POU3F3: variants seen among roughly 807,000 people sequenced by gnomAD.
POU3F3 encodes the protein POU class 3 homeobox 3, also known as POU domain, class 3, transcription factor 3.
A neutral mutation model predicts 8.6 loss-of-function variants in POU3F3; 1 was observed. That is an observed-to-expected ratio of 0.12 (90% CI 0.04 to 0.55). The LOEUF is 0.55. Ranked by LOEUF, POU3F3 falls within the 20% of genes least tolerant of loss-of-function variation. The pLI is 0.91. For missense variants in POU3F3, 577 were observed against 690.7 expected, an observed-to-expected ratio of 0.84 and a Z score of 1.84; for synonymous variants, 418 against 327.4, an observed-to-expected ratio of 1.28 and a Z score of -2.99.
chr2:104,869,177 A>T, the POU3F3 span, among the ~76,000 whole-genome samples: 1 of 152,208 alleles, frequency 6.6e-6, no homozygotes, highest in Non-Finnish European at 1.5e-5. Context: ...GACCTTGATG[A>T]AATTAGGTGG....
the POU3F3 span, among the ~76,000 whole-genome samples, chr2:104,927,102 T>C: frequency 6.6e-6 from 1 of 152,144 alleles, no homozygotes; most frequent in East Asian, 1.9e-4. Context: ...TTAAAATATA[T>C]GTATATGTAT....
At chr2:104,861,467 G>T (rs768247462), downstream of POU3F3, among the ~76,000 whole-genome samples, 8 of 152,220 alleles carry the variant, frequency 5.3e-5, no homozygotes, top group Admixed American at 3.3e-4. Flanking sequence ...AAGGATTAGA[G>T]CAGATGCTAT....
At chr2:104,902,059 T>C in the POU3F3 span, among the ~76,000 whole-genome samples, 1 of 152,102 alleles carries the variant, frequency 6.6e-6, no homozygotes, top group East Asian at 1.9e-4. Context: ...TCAGGAATGA[T>C]GGGCGAGGCT....
the POU3F3 span, among the ~76,000 whole-genome samples, chr2:104,874,641 G>A: frequency 1.3e-5 from 2 of 152,132 alleles, no homozygotes; most frequent in African/African-American, 4.8e-5. Flanking sequence ...TAGCTGGGCA[G>A]GTGGCTGATT....
At chr2:104,879,674 T>C in the POU3F3 span, among the ~76,000 whole-genome samples, 1 of 152,096 alleles carries the variant, frequency 6.6e-6, no homozygotes, top group Non-Finnish European at 1.5e-5. Flanking sequence ...CACCCCTCCT[T>C]CCTTGCTGTG....
the POU3F3 span, among the ~76,000 whole-genome samples, chr2:104,905,202 C>G: frequency 6.6e-6 from 1 of 152,182 alleles, no homozygotes; most frequent in African/African-American, 2.4e-5. Flanking sequence ...TTGGATTCCA[C>G]TCATAGCATC....
At chr2:104,897,297 C>T in the POU3F3 span, among the ~76,000 whole-genome samples, 2 of 152,172 alleles carry the variant, frequency 1.3e-5, no homozygotes, top group African/African-American at 4.8e-5. Context: ...GTCTTTATTC[C>T]TACAGAAGCT....
Position 104,854,785 on chromosome 2 carries a change from C to T in POU3F3, c.-726C>T, listed in dbSNP as rs190793769. Among the ~76,000 whole-genome samples the T allele has an allele frequency of 9.8e-4, 149 of 152,232 alleles. No individual in the cohort carries two copies. The highest frequency in any genetic ancestry group is 1.8e-3 in the Non-Finnish European group (124 of 68,024). Reference sequence around the variant, plus strand: ...TCGCGAGCAGCCAGCAGCACCACGCCTTCAAGGACGAAAAAGTTTTACTAC... The same window carrying T: ...TCGCGAGCAGCCAGCAGCACCACGCTTTCAAGGACGAAAAAGTTTTACTAC... On this transcript the variant is annotated 5_prime_UTR_variant, in exon 1 of 1. Coordinates refer to ENST00000361360, the MANE Select transcript of POU3F3 (RefSeq NM_006236.3). The surrounding 1 kb of genome is among the most constrained non-coding windows in gnomAD (Gnocchi z 4.5).
At chr2:104,914,341 TC>T in the POU3F3 span, among the ~76,000 whole-genome samples, 2 of 152,232 alleles carry the variant, frequency 1.3e-5, no homozygotes, top group Admixed American at 1.3e-4. Flanking sequence ...CTTACATTTA[TC>T]AGGAAAACAT....
chr2:104,865,075 G>A, the POU3F3 span, among the ~76,000 whole-genome samples: 1 of 152,198 alleles, frequency 6.6e-6, no homozygotes, highest in Non-Finnish European at 1.5e-5. Context: ...TGTCCCCACC[G>A]GCCTGCCTCC....
downstream of POU3F3, among the ~76,000 whole-genome samples, chr2:104,859,229 G>A (rs1212263450): frequency 6.6e-5 from 10 of 151,992 alleles, no homozygotes; most frequent in Non-Finnish European, 1.0e-4. Flanking sequence ...TCAGACTTAA[G>A]GTTCTATATT....
chr2:104,885,725 C>T, the POU3F3 span, among the ~76,000 whole-genome samples: 1 of 152,168 alleles, frequency 6.6e-6, no homozygotes, highest in East Asian at 1.9e-4. Context: ...AGCATATAAT[C>T]AAGTAATAAC....
At chr2:104,918,703 C>G in the POU3F3 span, among the ~76,000 whole-genome samples, 1 of 76,356 alleles carries the variant, frequency 1.3e-5, no homozygotes, top group African/African-American at 5.6e-5. Flanking sequence ...CCTGCCAACA[C>G]CTGGATCTCA....
the POU3F3 span, chr2:104,872,344 C>A: frequency 2.2e-6 from 1 of 456,706 alleles, no homozygotes; most frequent in East Asian, 7.0e-5. This position sits in a 1 kb window ranked among gnomAD's most constrained non-coding sequence, Gnocchi z 4.6. Context: ...GACCAGAGCA[C>A]ACACTTCGGG....
chr2:104,864,474 T>C, the POU3F3 span, among the ~76,000 whole-genome samples: 1 of 152,156 alleles, frequency 6.6e-6, no homozygotes, highest in Non-Finnish European at 1.5e-5. Flanking sequence ...CAAGAAACAG[T>C]GGAACTGAAA....
the POU3F3 span, among the ~76,000 whole-genome samples, chr2:104,901,552 CCTT>C: frequency 3.3e-5 from 5 of 152,178 alleles, no homozygotes; most frequent in Non-Finnish European, 7.3e-5. Context: ...GCCCTAGTGT[CCTT>C]CTAGGTAAGG....
At chr2:104,881,364 C>T in the POU3F3 span, among the ~76,000 whole-genome samples, 2 of 151,952 alleles carry the variant, frequency 1.3e-5, no homozygotes, top group African/African-American at 4.8e-5. Context: ...GGGGGTATCA[C>T]TGAGTTGCCT....
chr2:104,855,624 CGGCGGCGGG>C lies in POU3F3; in HGVS notation c.122_130del (p.Gly41_Gly43del), dbSNP rs1430848259. 1.7e-5 allele frequency: 13 copies of C among 758,138 alleles called. No individual in the cohort carries two copies. Among genetic ancestry groups the C allele is most frequent in the East Asian group, 3.6e-4 (2 of 5,596 alleles). 47.0% of individuals were successfully genotyped at this position (758,138 alleles called of 1,614,324 possible). A position where few individuals can be genotyped will look rare whatever the true frequency, so the allele number is the denominator to read the frequency against. ...GCGGCGGCGGGGGTGGCGGCGGCGG[CGGCGGCGGG>C]GGCGGCGCAGGGGGCGGGGGCGGCG... On this transcript the variant is annotated inframe_deletion, in exon 1 of 1. Transcript: ENST00000361360.
the POU3F3 span, among the ~76,000 whole-genome samples, chr2:104,894,008 A>G: frequency 1.3e-5 from 2 of 152,168 alleles, no homozygotes; most frequent in East Asian, 1.9e-4. Flanking sequence ...ATGAAATTGC[A>G]TAAATATAGG....
Sources: allele counts gnomAD v4.1 joint callset (sites outside exome capture counted in the v4.1 genomes callset), GRCh38; gene constraint gnomAD v4.1.1; non-coding constraint Gnocchi (gnomAD v3.1); transcripts MANE v1.5; gene names NCBI Gene and HGNC (gene_info 2026-07-23, HGNC 2026-07-21).